PTPRG: variants seen among roughly 807,000 people sequenced by gnomAD.
PTPRG encodes protein tyrosine phosphatase receptor type G.
PTPRG carries 102 observed loss-of-function variants against 165.3 expected under a neutral mutation model. The ratio of observed to expected loss-of-function variants is 0.62; its 90% CI spans 0.53 to 0.73. The LOEUF (loss-of-function observed/expected upper bound fraction) is 0.73, where lower values mean the gene tolerates loss of function less well. Ranked by LOEUF, PTPRG falls within the 30% of genes least tolerant of loss-of-function variation. The pLI is 0.00. For missense variants in PTPRG, 1,866 were observed against 1,861.4 expected (o/e 1.00, Z -0.05); for synonymous variants, 675 against 669.5 (o/e 1.01, Z -0.13).
chr3:61,590,351 G>T lies in PTPRG; in HGVS notation c.85+27979G>T, dbSNP rs552151077. 1.2e-3 allele frequency among the ~76,000 whole-genome samples: 189 copies of T among 151,948 alleles called. 3 individuals carry two copies. In the South Asian group the frequency reaches 0.02, roughly 16 times the overall value. ...ACCCTGGCCAACATGGCCAAACCCC[G>T]TCTCTATTAAAAAATATATAAAAAT... is the stretch of plus-strand genomic sequence containing the variant. On this transcript the variant is annotated intron_variant, in intron 1 of 29. Transcript: ENST00000474889.
intron 3 of PTPRG, among the ~76,000 whole-genome samples, chr3:61,990,865 T>C (rs1019324784): frequency 4.0e-5 from 6 of 151,792 alleles, no homozygotes; most frequent in African/African-American, 1.5e-4. Context: ...TCCTAGCCCT[T>C]TGGTGCTATT....
At position 62,134,318 on chromosome 3, in the gene PTPRG, A is replaced by G. The variant is rs977898805; in HGVS notation, c.682+1650A>G. On this transcript the variant is annotated intron_variant, in intron 6 of 29. Transcript: ENST00000474889. ...GTTCACTTATTCATTCAGCAGAAAT[A>G]TATTTCATGCCCACGCTGTGCAAAG... is the stretch of plus-strand genomic sequence containing the variant. Among the ~76,000 whole-genome samples the G allele has an allele frequency of 5.9e-5, 9 of 152,322 alleles. No homozygotes were observed. In the South Asian group the frequency reaches 1.0e-3, roughly 18 times the overall value.
intron 1 of PTPRG, among the ~76,000 whole-genome samples, chr3:61,687,785 T>G (rs148291629): frequency 1.3e-4 from 20 of 152,236 alleles, no homozygotes; most frequent in African/African-American, 4.6e-4. Context: ...CAGCAATACC[T>G]GCTCCTTTTT....
intron 2 of PTPRG, among the ~76,000 whole-genome samples, chr3:61,796,395 T>C (rs1355052646): frequency 6.6e-6 from 1 of 152,222 alleles, no homozygotes; most frequent in Non-Finnish European, 1.5e-5. Flanking sequence ...ATGTAATAAA[T>C]AACGGCTGTG....
At chr3:61,912,633 T>C (rs994225697) in intron 2 of PTPRG, among the ~76,000 whole-genome samples, 2 of 152,234 alleles carry the variant, frequency 1.3e-5, no homozygotes, top group African/African-American at 4.8e-5. Flanking sequence ...TGCCTTTTTG[T>C]TTGATATTCT....
intron 4 of PTPRG, among the ~76,000 whole-genome samples, chr3:62,004,501 T>A (rs2041247645): frequency 6.6e-6 from 1 of 152,328 alleles, no homozygotes; most frequent in East Asian, 1.9e-4. Context: ...TGCCCCTCCT[T>A]AGTTCTTGTT....
chr3:61,783,780 G>A (rs959614048), intron 2 of PTPRG, among the ~76,000 whole-genome samples: 2 of 152,204 alleles, frequency 1.3e-5, no homozygotes, highest in Non-Finnish European at 2.9e-5. Flanking sequence ...GAATGTGAAG[G>A]CAGGCACTGG....
chr3:61,638,473 T>A (rs867841777), intron 1 of PTPRG, among the ~76,000 whole-genome samples: 2 of 152,066 alleles, frequency 1.3e-5, no homozygotes, highest in African/African-American at 4.8e-5. Flanking sequence ...TTATCAGGGT[T>A]CTTGCCTGGC....
Position 61,693,423 on chromosome 3 carries a change from G to T in PTPRG, c.86-55455G>T, listed in dbSNP as rs146192496. Among the ~76,000 whole-genome samples, 597 of 152,298 alleles carry T rather than the reference G, an allele frequency of 3.9e-3. 6 individuals are homozygous for T. Among genetic ancestry groups the T allele is most frequent in the African/African-American group, 0.014 (569 of 41,554 alleles). On this transcript the variant is annotated intron_variant, in intron 1 of 29. Transcript: ENST00000474889. ...TCTCATGGTTAAATGCATAGGTAAT[G>T]TGTCATAATTGAATACATGTTCTTA...
chr3:61,749,216 G>A (rs1445653415), intron 2 of PTPRG: 11 of 620,728 alleles, frequency 1.8e-5, no homozygotes, highest in Non-Finnish European at 3.2e-5. Context: ...GTTTATTTCT[G>A]AACTTTACTG....
chr3:61,724,217 C>CAAAACAAAAA (rs1553655538), intron 1 of PTPRG, among the ~76,000 whole-genome samples: 60 of 128,714 alleles, frequency 4.7e-4, no homozygotes, highest in South Asian at 1.0e-3. Flanking sequence ...CTCCCATCTC[C>CAAAACAAAAA]AAAAAAAAAA....
intron 1 of PTPRG, among the ~76,000 whole-genome samples, chr3:61,610,514 A>G (rs926153760): frequency 1.4e-4 from 21 of 152,336 alleles, no homozygotes; most frequent in African/African-American, 4.8e-4. Context: ...CAGTCTTCGT[A>G]GCAGATGGAT....
rs780434556 is a variant in PTPRG at position 62,292,411 on chromosome 3, T to TC, written c.4056-9dup. 4.4e-6 allele frequency: 7 copies of TC among 1,599,508 alleles called. No individual in the cohort carries two copies. Among genetic ancestry groups the TC allele is most frequent in the Middle Eastern group, 1.7e-4 (1 of 5,938 alleles). ...CATCTGAAATCGTATCTTTTTTTTT[T>TC]CTCCCCCAGGTATGGAGCAGTTTCA... On this transcript the variant is annotated splice_polypyrimidine_tract_variant and intron_variant, in intron 28 of 29. Coordinates refer to ENST00000474889, the MANE Select transcript of PTPRG (RefSeq NM_002841.4).
intron 1 of PTPRG, among the ~76,000 whole-genome samples, chr3:61,733,308 G>C (rs1007849083): frequency 6.6e-6 from 1 of 152,132 alleles, no homozygotes; most frequent in African/African-American, 2.4e-5. Flanking sequence ...CACTTAATTA[G>C]GGGGTCCCAG....
rs563410162 is a variant in PTPRG, at chr3:61,985,354, G to C, written c.191-4271G>C. Among the ~76,000 whole-genome samples, 4 of 152,296 alleles carry C rather than the reference G, an allele frequency of 2.6e-5. No homozygotes were observed. The South Asian group carries it at 8.3e-4, about 32-fold the overall frequency. On this transcript the variant is annotated intron_variant, in intron 2 of 29. Coordinates refer to ENST00000474889, the MANE Select transcript of PTPRG (RefSeq NM_002841.4). ...CTTGCACCCACCTGCCTTAGCCGTT[G>C]GGTGGGCTACATGTCTGTTTCATCC...
chr3:61,844,205 C>A (rs911778748), intron 2 of PTPRG, among the ~76,000 whole-genome samples: 2 of 152,142 alleles, frequency 1.3e-5, no homozygotes, highest in Non-Finnish European at 2.9e-5. Flanking sequence ...CTGAGGTGAT[C>A]TGCCTGCCTT....
At chr3:62,100,005 A>G (rs530034623) in intron 5 of PTPRG, among the ~76,000 whole-genome samples, 2 of 151,588 alleles carry the variant, frequency 1.3e-5, no homozygotes, top group African/African-American at 2.4e-5. Flanking sequence ...CACCATGTTG[A>G]CCAGGCTGGT....
chr3:62,284,819 G>C (rs1003015822), intron 28 of PTPRG, among the ~76,000 whole-genome samples: 1 of 152,114 alleles, frequency 6.6e-6, no homozygotes, highest in Non-Finnish European at 1.5e-5. Context: ...TGGTGCCATC[G>C]ATTCTTTCAG....
rs189476356 is a variant in PTPRG at position 62,042,530 on chromosome 3, T to G, written c.520-35633T>G. Among the ~76,000 whole-genome samples the G allele has an allele frequency of 8.8e-3, 1,341 of 152,272 alleles. 16 individuals are homozygous for G. The highest frequency in any genetic ancestry group is 0.018 in the South Asian group (86 of 4,828). ...CATGAATTTTTAAGCATGGTGTTCT[T>G]TTGCCTGAAATTTTCTTCCTCCCGC... is the stretch of plus-strand genomic sequence containing the variant. On this transcript the variant is annotated intron_variant, in intron 4 of 29. Coordinates refer to ENST00000474889, the MANE Select transcript of PTPRG (RefSeq NM_002841.4).
Sources: allele counts gnomAD v4.1 joint callset (sites outside exome capture counted in the v4.1 genomes callset), GRCh38; gene constraint gnomAD v4.1.1; transcripts MANE v1.5; gene names NCBI Gene and HGNC (gene_info 2026-07-23, HGNC 2026-07-21).